The following CD53 variants were observed in gnomAD, a reference collection of about 807,000 sequenced individuals.
CD53 encodes the protein CD53 molecule, also known as leukocyte surface antigen CD53.
In CD53, 20 loss-of-function variants were observed where a neutral mutation model predicts 27.3. The observed-to-expected ratio is 0.73, with a 90% CI of 0.52 to 1.07. The LOEUF is 1.07. CD53 is among the 50% of genes least tolerant of loss of function. The pLI, the probability that CD53 is intolerant of heterozygous loss-of-function variation, is 0.00. For missense variants in CD53, 216 were observed against 264.0 expected, an observed-to-expected ratio of 0.82 and a Z score of 1.26; for synonymous variants, 106 against 105.3, an observed-to-expected ratio of 1.01 and a Z score of -0.04.
At chr1:110,887,260 T>A (rs990020673) in intron 1 of CD53, among the ~76,000 whole-genome samples, 28 of 152,016 alleles carry the variant, frequency 1.8e-4, no homozygotes, top group African/African-American at 6.8e-4. Flanking sequence ...GAGACGGGGT[T>A]TCACCGTGTT....
At chr1:110,892,564 A>G (rs771392189) in intron 3 of CD53, 31 bp downstream of exon 3, 3 of 1,561,536 alleles carry the variant, frequency 1.9e-6, no homozygotes, top group Non-Finnish European at 2.6e-6. Context: ...TGGTGCCCCA[A>G]GTCGGGGAGA....
chr1:110,882,334 T>C (rs1382544249), intron 1 of CD53, among the ~76,000 whole-genome samples: 1 of 152,098 alleles, frequency 6.6e-6, no homozygotes, highest in Non-Finnish European at 1.5e-5. Flanking sequence ...GCACCATTTG[T>C]TGAAAAAAGT....
At chr1:110,883,961 T>G (rs1656463942) in intron 1 of CD53, among the ~76,000 whole-genome samples, 1 of 152,044 alleles carries the variant, frequency 6.6e-6, no homozygotes, top group South Asian at 2.1e-4. Context: ...TTTATCAGTC[T>G]TCTAAAAGAG....
upstream of CD53, among the ~76,000 whole-genome samples, chr1:110,872,643 C>G (rs185002071): frequency 2.7e-3 from 407 of 152,322 alleles, no homozygotes; most frequent in Non-Finnish European, 3.0e-3. Context: ...GTGTCCAATT[C>G]AAGTCTAGAG....
chr1:110,894,401 G>GTC lies in CD53; in HGVS notation c.327_327+1insTC (p.Leu110SerfsTer2). 4.3e-6 allele frequency: 7 copies of GTC among 1,611,568 alleles called. No individual in the cohort carries two copies. The highest frequency in any genetic ancestry group is 5.9e-6 in the Non-Finnish European group (7 of 1,177,708). ...TCCTGCTCTTTGTATATGAACAGAAGGTAAGTTATAAAGACAACAACTTAT... is the reference window on the plus strand; with the variant it reads ...TCCTGCTCTTTGTATATGAACAGAAGTCGTAAGTTATAAAGACAACAACTTAT... On this transcript the variant is annotated frameshift_variant and splice_region_variant. Transcript: ENST00000271324. LOFTEE classifies it high-confidence loss of function.
At chr1:110,893,765 G>T (rs1252420967) in intron 3 of CD53, among the ~76,000 whole-genome samples, 1 of 152,230 alleles carries the variant, frequency 6.6e-6, no homozygotes, top group Non-Finnish European at 1.5e-5. Flanking sequence ...CAAAATTAAT[G>T]TTGGGGTAAA....
In CD53 at chr1:110,899,907, A is replaced by AAC. The variant is rs5777032; in HGVS notation, c.*713_*714insCA. ...TACTATTTTACTCTTCAATAAATAA[A>AAC]AGTTTATTATCTCAATCACAACATT... On this transcript the variant is annotated 3_prime_UTR_variant, in exon 8 of 8. Transcript: ENST00000271324. 110,222 of 152,352 alleles carry AAC rather than the reference A, an allele frequency of 0.72. 42,008 individuals carry two copies. The highest frequency in any genetic ancestry group is 0.84 in the Non-Finnish European group (57,376 of 67,958). The allele number at this position is 152,352 out of a possible 1,614,324, so 9.4% of individuals were successfully genotyped here. A position where few individuals can be genotyped will look rare whatever the true frequency, so the allele number is the denominator to read the frequency against.
intron 3 of CD53, among the ~76,000 whole-genome samples, chr1:110,893,886 A>G (rs1570910719): frequency 6.6e-6 from 1 of 152,132 alleles, no homozygotes; most frequent in South Asian, 2.1e-4. Flanking sequence ...CATGGCTAGG[A>G]CCCTTCTTTC....
intron 1 of CD53, among the ~76,000 whole-genome samples, chr1:110,879,144 A>G (rs1656249452): frequency 6.6e-6 from 1 of 152,274 alleles, no homozygotes; most frequent in East Asian, 1.9e-4. Flanking sequence ...GTTAGAAGCT[A>G]AGGGTTACCC....
intron 1 of CD53, among the ~76,000 whole-genome samples, chr1:110,883,478 T>A (rs1226445405): frequency 6.6e-6 from 1 of 152,026 alleles, no homozygotes; most frequent in African/African-American, 2.4e-5. Context: ...AATTTTCACA[T>A]CTTGTTCTGA....
chr1:110,898,124 T>C (rs1657143627), intron 7 of CD53, among the ~76,000 whole-genome samples: 1 of 152,124 alleles, frequency 6.6e-6, no homozygotes, highest in African/African-American at 2.4e-5. Context: ...ACGCCTGTAA[T>C]CCCAGCACTT....
Position 110,888,693 on chromosome 1 carries a change from T to C in CD53, c.-17-2699T>C, listed in dbSNP as rs185610613. The stretch of plus-strand genomic sequence containing the variant: ...TAATAACATTTTAGTTATCTCAATA[T>C]GTACAAAATACTATAATTTAAAAAT... On this transcript the variant is annotated intron_variant, in intron 1 of 7. Coordinates refer to ENST00000271324, the MANE Select transcript of CD53 (RefSeq NM_000560.4). Among the ~76,000 whole-genome samples the C allele has an allele frequency of 2.7e-3, 412 of 152,360 alleles. 8 individuals carry two copies. The South Asian group carries it at 0.045, about 17-fold the overall frequency.
At chr1:110,874,485 C>G (rs1340211980) in intron 1 of CD53, among the ~76,000 whole-genome samples, 1 of 152,120 alleles carries the variant, frequency 6.6e-6, no homozygotes, top group African/African-American at 2.4e-5. Flanking sequence ...TCATACTATG[C>G]GTGTGCTTTG....
At chr1:110,875,826 G>A (rs566481653) in intron 1 of CD53, among the ~76,000 whole-genome samples, 10 of 152,314 alleles carry the variant, frequency 6.6e-5, no homozygotes, top group African/African-American at 2.2e-4. Flanking sequence ...CTGGAGGTAG[G>A]TTTTGGGAAA....
chr1:110,876,174 C>T (rs539383679), intron 1 of CD53, among the ~76,000 whole-genome samples: 2 of 152,292 alleles, frequency 1.3e-5, no homozygotes, highest in East Asian at 1.9e-4. Flanking sequence ...TAGGAGCTGT[C>T]GCAACTGTCC....
chr1:110,877,933 G>C (rs929973799), intron 1 of CD53, among the ~76,000 whole-genome samples: 1 of 152,188 alleles, frequency 6.6e-6, no homozygotes, highest in South Asian at 2.1e-4. Flanking sequence ...ATGAAAAATG[G>C]AAGGTCTTCT....
chr1:110,894,883 C>T (rs1656997401), intron 4 of CD53, 77 bp from the exon 5 acceptor site: 2 of 1,098,396 alleles, frequency 1.8e-6, no homozygotes, highest in Non-Finnish European at 1.4e-6. Flanking sequence ...GAACCACTAA[C>T]CTATACTGGA....
chr1:110,876,708 G>A (rs992800227), intron 1 of CD53, among the ~76,000 whole-genome samples: 20 of 151,932 alleles, frequency 1.3e-4, no homozygotes, highest in Non-Finnish European at 2.2e-4. Flanking sequence ...TTATAACATA[G>A]AAGACAAATT....
rs903132970 is a variant in CD53 at position 110,894,197 on chromosome 1, A to T, written c.253-130A>T. 5.4e-6 allele frequency: 4 copies of T among 738,662 alleles called. No individual in the cohort carries two copies. The Admixed American group carries it at 8.7e-5, about 16-fold the overall frequency. 45.8% of individuals were successfully genotyped at this position (738,662 alleles called of 1,614,324 possible). On this transcript the variant is annotated intron_variant, in intron 3 of 7. Transcript: ENST00000271324. ...ATTTTCACAAAACAAAAGAAGGCTT[A>T]CAACGGCCTGAGGAGGCAGAACAGG...
Sources: gnomAD v4.1 joint callset for allele counts (sites outside exome capture counted in the v4.1 genomes callset) on GRCh38, gnomAD v4.1.1 for gene constraint, MANE v1.5 for transcripts, NCBI Gene and HGNC (gene_info 2026-07-23, HGNC 2026-07-21) for gene names.